HNRNPC: variants seen among roughly 807,000 people sequenced by gnomAD.
HNRNPC encodes heterogeneous nuclear ribonucleoproteins C1/C2.
In HNRNPC, 3 loss-of-function variants were observed where a neutral mutation model predicts 33.2. That is an observed-to-expected ratio of 0.09 (90% CI 0.04 to 0.23). The LOEUF (loss-of-function observed/expected upper bound fraction) is 0.23. Among genes scored for constraint, HNRNPC ranks in the 10% least tolerant of loss-of-function variants. The probability of loss-of-function intolerance (pLI) is 1.00; values close to 1 mark genes in which losing one functional copy is unlikely to be tolerated. For synonymous variants in HNRNPC, 121 were observed against 126.7 expected, an observed-to-expected ratio of 0.96 and a Z score of 0.30; for missense variants, 143 against 366.7, an observed-to-expected ratio of 0.39 and a Z score of 4.98.
At chr14:21,223,305 T>C (rs1893047157) in intron 5 of HNRNPC, among the ~76,000 whole-genome samples, 1 of 152,004 alleles carries the variant, frequency 6.6e-6, no homozygotes, top group Non-Finnish European at 1.5e-5. Flanking sequence ...TGGGTAAAAA[T>C]GGAATCAAGA....
intron 2 of HNRNPC, among the ~76,000 whole-genome samples, chr14:21,250,890 T>C (rs1290356485): frequency 1.3e-5 from 2 of 152,164 alleles, no homozygotes; most frequent in Non-Finnish European, 2.9e-5. Context: ...TATTCCTAGG[T>C]AGCTCCCAGA....
At chr14:21,212,028 G>A (rs1203588479) in intron 6 of HNRNPC, 105 bp from the exon 7 acceptor site, 2 of 840,170 alleles carry the variant, frequency 2.4e-6, no homozygotes, top group Non-Finnish European at 3.9e-6. Context: ...GAGATACCCA[G>A]GGAGAAACAG....
chr14:21,260,091 T>G (rs1877944519), intron 2 of HNRNPC, among the ~76,000 whole-genome samples: 1 of 144,816 alleles, frequency 6.9e-6, no homozygotes. Context: ...TCCCAGCTAC[T>G]TGGGAGGCTG....
chr14:21,259,071 G>C (rs896140128), intron 2 of HNRNPC, among the ~76,000 whole-genome samples: 6 of 152,168 alleles, frequency 3.9e-5, no homozygotes, highest in Non-Finnish European at 8.8e-5. Flanking sequence ...GCTATGAAAT[G>C]TTTGGTCCTT....
chr14:21,237,037 C>T (rs1267038359), intron 2 of HNRNPC, among the ~76,000 whole-genome samples: 5 of 152,094 alleles, frequency 3.3e-5, no homozygotes. Context: ...GCAACAGGAA[C>T]GAAATTTTAG....
chr14:21,244,315 A>G (rs1895700328), intron 2 of HNRNPC, among the ~76,000 whole-genome samples: 1 of 152,210 alleles, frequency 6.6e-6, no homozygotes, highest in African/African-American at 2.4e-5. Flanking sequence ...TTCTCTCTAT[A>G]AAGCACTTTT....
intron 2 of HNRNPC, among the ~76,000 whole-genome samples, chr14:21,235,400 A>C (rs940991430): frequency 3.3e-5 from 5 of 152,194 alleles, no homozygotes; most frequent in Non-Finnish European, 7.4e-5. Flanking sequence ...ATGTACATAA[A>C]AACAGGTAGT....
intron 1 of HNRNPC, among the ~76,000 whole-genome samples, chr14:21,267,177 C>G (rs1879164837): frequency 6.8e-6 from 1 of 147,716 alleles, no homozygotes. Flanking sequence ...AGGCTTCTGG[C>G]AACAAAAAAT....
At chr14:21,247,826 A>G (rs1296470703) in intron 2 of HNRNPC, among the ~76,000 whole-genome samples, 1 of 151,580 alleles carries the variant, frequency 6.6e-6, no homozygotes, top group African/African-American at 2.4e-5. Flanking sequence ...AATACAAAAA[A>G]AAAAAAAAAA....
intron 5 of HNRNPC, among the ~76,000 whole-genome samples, chr14:21,226,815 G>C (rs1013068198): frequency 7.0e-6 from 1 of 142,130 alleles, no homozygotes; most frequent in African/African-American, 2.6e-5. Context: ...AGGAGGCAGA[G>C]GTTGCAGTAA....
intron 5 of HNRNPC, among the ~76,000 whole-genome samples, chr14:21,219,411 CTT>C (rs1892586232): frequency 6.6e-6 from 1 of 152,188 alleles, no homozygotes; most frequent in Non-Finnish European, 1.5e-5. Context: ...CAATTTCTAT[CTT>C]TCCATTCACT....
chr14:21,219,122 A>AG (rs1555351426), intron 5 of HNRNPC, among the ~76,000 whole-genome samples: 9 of 150,486 alleles, frequency 6.0e-5, no homozygotes, highest in African/African-American at 7.3e-5. Flanking sequence ...AAAAAAAAAA[A>AG]AAGAAGAAAA....
intron 2 of HNRNPC, among the ~76,000 whole-genome samples, chr14:21,239,776 A>G (rs1384869576): frequency 6.6e-6 from 1 of 151,918 alleles, no homozygotes; most frequent in Non-Finnish European, 1.5e-5. Flanking sequence ...TGGGAGGATG[A>G]CACAGGAAAA....
At chr14:21,253,461 C>CAA (rs71112561) in intron 2 of HNRNPC, among the ~76,000 whole-genome samples, 1,151 of 77,136 alleles carry the variant, frequency 0.015, 26 homozygotes, top group African/African-American at 0.035. Flanking sequence ...GACTCCATCT[C>CAA]AAAAAAAAAA....
intron 5 of HNRNPC, among the ~76,000 whole-genome samples, chr14:21,228,839 C>CT (rs1893770023): frequency 6.6e-6 from 1 of 151,812 alleles, no homozygotes; most frequent in African/African-American, 2.4e-5. Flanking sequence ...AATCCCAGCA[C>CT]TTTGGGAGGT....
At chr14:21,243,644 G>A (rs1268659110) in intron 2 of HNRNPC, among the ~76,000 whole-genome samples, 3 of 152,200 alleles carry the variant, frequency 2.0e-5, no homozygotes, top group Non-Finnish European at 1.5e-5. Context: ...TACACGTTTT[G>A]TAGGCTCATA....
At chr14:21,242,624 G>A (rs1187303627) in intron 2 of HNRNPC, among the ~76,000 whole-genome samples, 1 of 152,200 alleles carries the variant, frequency 6.6e-6, no homozygotes, top group African/African-American at 2.4e-5. Flanking sequence ...TTTGCAAACA[G>A]ATACTCTATA....
intron 1 of HNRNPC, among the ~76,000 whole-genome samples, chr14:21,268,165 T>C (rs1472999328): frequency 3.9e-5 from 6 of 152,122 alleles, no homozygotes; most frequent in East Asian, 3.8e-4. Context: ...ACACTAAAGA[T>C]CTAAACAATT....
chr14:21,233,326 A>G (rs1004002320), intron 3 of HNRNPC, among the ~76,000 whole-genome samples: 3 of 152,246 alleles, frequency 2.0e-5, no homozygotes, highest in African/African-American at 7.2e-5. Flanking sequence ...GAATGTATAC[A>G]AAGAATAAAC....
Sources: allele counts gnomAD v4.1 joint callset (sites outside exome capture counted in the v4.1 genomes callset), GRCh38; gene constraint gnomAD v4.1.1; transcripts MANE v1.5; gene names NCBI Gene and HGNC (gene_info 2026-07-23, HGNC 2026-07-21).